The following RASGEF1A variants were observed in gnomAD, a reference collection of about 807,000 sequenced individuals.
RASGEF1A encodes RasGEF domain family member 1A.
A neutral mutation model predicts 56.4 loss-of-function variants in RASGEF1A; 18 were observed. That is an observed-to-expected ratio of 0.32 (90% CI 0.22 to 0.47). RASGEF1A has a LOEUF of 0.47. Ranked by LOEUF, RASGEF1A falls within the 20% of genes least tolerant of loss-of-function variation. The pLI, the probability that RASGEF1A is intolerant of heterozygous loss-of-function variation, is 1.00. For missense variants in RASGEF1A, 422 were observed against 627.1 expected (o/e 0.67, Z 3.49); for synonymous variants, 245 against 242.6 (o/e 1.01, Z -0.09).
At chr10:43,219,070 A>G (rs1038266731) in intron 1 of RASGEF1A, among the ~76,000 whole-genome samples, 1 of 152,156 alleles carries the variant, frequency 6.6e-6, no homozygotes, top group Non-Finnish European at 1.5e-5. Context: ...TTGAGACTCA[A>G]GAGGCCCAAG....
chr10:43,202,689 C>T lies in RASGEF1A; in HGVS notation c.321+609G>A, dbSNP rs1159026343. On this transcript the variant is annotated intron_variant, in intron 3 of 12. Transcript: ENST00000395810. ...GCCCGCAACTCTGCAGCTTTCTTCG[C>T]CCACGCCGCACAGCCTCCAAACCAG... 1.7e-5 allele frequency: 8 copies of T among 465,004 alleles called. No homozygotes were observed. The East Asian group carries it at 5.0e-4, about 29-fold the overall frequency. 28.8% of individuals were successfully genotyped at this position (465,004 alleles called of 1,614,324 possible).
Position 43,206,030 on chromosome 10 carries a change from G to A in RASGEF1A, c.87C>T (p.Gly29=), listed in dbSNP as rs74509719. Residue 29 remains glycine, a synonymous_variant, in exon 2 of 13, where the codon GGC becomes GGT. Coordinates refer to ENST00000395810, the MANE Select transcript of RASGEF1A (RefSeq NM_145313.4). ...QVQPGMGERG[G]GAGGGSGDLI... is the part of the protein sequence containing the mutation. ...GGTCCCCGGAGCCGCCACCGGCCCCGCCTCCACGCTCCCCCATGCCAGGCT... is the reference window on the plus strand; with the variant it reads ...GGTCCCCGGAGCCGCCACCGGCCCCACCTCCACGCTCCCCCATGCCAGGCT... The A allele has an allele frequency of 8.2e-3, 13,201 of 1,610,210 alleles. 550 individuals are homozygous for A. In the East Asian group the frequency reaches 0.1, roughly 13 times the overall value.
intron 1 of RASGEF1A, among the ~76,000 whole-genome samples, chr10:43,245,026 G>A (rs7073849): frequency 2.6e-5 from 4 of 151,740 alleles, no homozygotes; most frequent in Non-Finnish European, 4.4e-5. Context: ...CCAAAAATGG[G>A]TTCTTTGAAA....
chr10:43,201,025 C>T (rs1239938703), intron 4 of RASGEF1A, 137 bp from the exon 5 acceptor site: 1 of 747,152 alleles, frequency 1.3e-6, no homozygotes, highest in Non-Finnish European at 2.2e-6. Flanking sequence ...CCGCAGCCTT[C>T]AGGCCTTCAA....
At chr10:43,248,054 TAAA>T (rs35759015) in intron 1 of RASGEF1A, among the ~76,000 whole-genome samples, 4 of 138,692 alleles carry the variant, frequency 2.9e-5, no homozygotes, top group Non-Finnish European at 4.6e-5. Context: ...AAAATAAGAT[TAAA>T]AAAAAAAAAA....
At chr10:43,207,487 C>G (rs1322310065) in intron 1 of RASGEF1A, 1 of 985,444 alleles carries the variant, frequency 1.0e-6, no homozygotes, top group Admixed American at 6.2e-5. Context: ...GAGCATCTGG[C>G]CCAGACGTCA....
chr10:43,214,900 C>T (rs1301792192), intron 1 of RASGEF1A, among the ~76,000 whole-genome samples: 3 of 152,202 alleles, frequency 2.0e-5, no homozygotes, highest in African/African-American at 7.2e-5. Context: ...AGGCCCGTTT[C>T]TCAGATGGGG....
At chr10:43,250,778 T>A (rs977867052) in intron 1 of RASGEF1A, among the ~76,000 whole-genome samples, 1 of 152,168 alleles carries the variant, frequency 6.6e-6, no homozygotes, top group Non-Finnish European at 1.5e-5. Flanking sequence ...GGCTCCGCTG[T>A]TTTCCCACCT....
At chr10:43,212,961 G>T (rs1409474022) in intron 1 of RASGEF1A, among the ~76,000 whole-genome samples, 2 of 152,226 alleles carry the variant, frequency 1.3e-5, no homozygotes, top group African/African-American at 4.8e-5. Context: ...AGCACTGAGA[G>T]TGGAGGTCAC....
At chr10:43,206,531 T>A (rs2133190281) in intron 1 of RASGEF1A, among the ~76,000 whole-genome samples, 1 of 152,240 alleles carries the variant, frequency 6.6e-6, no homozygotes, top group East Asian at 1.9e-4. Flanking sequence ...ACCCTAGGCA[T>A]GAGGTACAGT....
Position 43,244,480 on chromosome 10 carries a change from TAAC to T in RASGEF1A, c.-7+22362_-7+22364del, listed in dbSNP as rs1840548753. On this transcript the variant is annotated intron_variant, in intron 1 of 12. Coordinates refer to ENST00000395810, the MANE Select transcript of RASGEF1A (RefSeq NM_145313.4). ...ACAGACATCGACAGAACACTCCACT[TAAC>T]AACAACAGAACACATACTCTTCTCA... Among the ~76,000 whole-genome samples, 2 of 150,956 alleles carry T rather than the reference TAAC, an allele frequency of 1.3e-5. 1 individual carries two copies.
chr10:43,224,789 G>A (rs1029572245), intron 1 of RASGEF1A, among the ~76,000 whole-genome samples: 27 of 152,320 alleles, frequency 1.8e-4, no homozygotes, highest in African/African-American at 6.3e-4. Context: ...TAAAGAAGTT[G>A]GCTGTTCCTT....
At chr10:43,246,620 C>T (rs1159485399) in intron 1 of RASGEF1A, among the ~76,000 whole-genome samples, 2 of 152,140 alleles carry the variant, frequency 1.3e-5, no homozygotes, top group Non-Finnish European at 2.9e-5. Context: ...AAACCCACAC[C>T]TCCATGGTCA....
At position 43,196,306 on chromosome 10, in the gene RASGEF1A, C is replaced by G; in HGVS notation, c.1422-38G>C. The G allele has an allele frequency of 6.2e-7, 1 of 1,611,576 alleles. No homozygotes were observed. Among genetic ancestry groups the G allele is most frequent in the Non-Finnish European group, 8.5e-7 (1 of 1,178,288 alleles). On this transcript the variant is annotated intron_variant, in intron 12 of 12. Transcript: ENST00000395810. The surrounding 1 kb of genome is among the most constrained non-coding windows in gnomAD (Gnocchi z 4.6). ...AGGACAAGCAGTGCTCAGGCCCGAG[C>G]AGGGCGGCTTGGGTCCAAGCCATCC...
intron 1 of RASGEF1A, among the ~76,000 whole-genome samples, chr10:43,265,609 AG>A (rs1836609883): frequency 6.6e-6 from 1 of 152,226 alleles, no homozygotes; most frequent in Non-Finnish European, 1.5e-5. Flanking sequence ...TCCAAAGCAA[AG>A]TGTCACTGGA....
chr10:43,221,162 C>T (rs1236184519), intron 1 of RASGEF1A, among the ~76,000 whole-genome samples: 7 of 152,192 alleles, frequency 4.6e-5, no homozygotes, highest in Admixed American at 4.6e-4. Flanking sequence ...AACTTGGACC[C>T]TGGGCAATCA....
intron 1 of RASGEF1A, among the ~76,000 whole-genome samples, chr10:43,244,914 A>T (rs1046323854): frequency 6.6e-6 from 1 of 152,118 alleles, no homozygotes; most frequent in African/African-American, 2.4e-5. Context: ...GAAACTAGGA[A>T]AAGAGAAGCA....
Position 43,213,980 on chromosome 10 carries a change from CAG to C in RASGEF1A, c.-6-7860_-6-7859del, listed in dbSNP as rs549395484. 3.1e-3 allele frequency among the ~76,000 whole-genome samples: 469 copies of C among 152,304 alleles called. 2 individuals are homozygous for C. The highest frequency in any genetic ancestry group is 0.01 in the African/African-American group (431 of 41,576). On this transcript the variant is annotated intron_variant, in intron 1 of 12. Transcript: ENST00000395810. ...CCATGCCCGTCCCCCAGGCAGCACACAGAGAGAGGCCATCTGCCTCTGGCCTC... is the reference window on the plus strand; with the variant it reads ...CCATGCCCGTCCCCCAGGCAGCACACAGAGAGGCCATCTGCCTCTGGCCTC...
chr10:43,197,255 G>A (rs1347061666), intron 10 of RASGEF1A, among the ~76,000 whole-genome samples, 156 bp from the exon 11 acceptor site: 1 of 152,176 alleles, frequency 6.6e-6, no homozygotes, highest in African/African-American at 2.4e-5. Context: ...CCGTGGCCAT[G>A]GTGGCACGCC....
Sources: allele counts gnomAD v4.1 joint callset (sites outside exome capture counted in the v4.1 genomes callset), GRCh38; gene constraint gnomAD v4.1.1; non-coding constraint Gnocchi (gnomAD v3.1); transcripts MANE v1.5; gene names NCBI Gene and HGNC (gene_info 2026-07-23, HGNC 2026-07-21).